CAST: variants seen among roughly 807,000 people sequenced by gnomAD.
CAST encodes MIR583 host.
Under a neutral mutation model 119.6 loss-of-function variants are expected in CAST, and 76 were observed. The observed-to-expected ratio is 0.64, with a 90% CI of 0.53 to 0.77. The LOEUF (loss-of-function observed/expected upper bound fraction) is 0.77, where lower values mean the gene tolerates loss of function less well. Ranked by LOEUF, CAST falls within the 30% of genes least tolerant of loss-of-function variation. CAST has a pLI of 0.00. For missense variants in CAST, 953 were observed against 946.5 expected (o/e 1.01, Z -0.09); for synonymous variants, 319 against 331.6 (o/e 0.96, Z 0.41).
At chr5:96,412,898 C>T in the CAST span, 2 of 618,114 alleles carry the variant, frequency 3.2e-6, no homozygotes, top group South Asian at 4.6e-5. Context: ...TGCCCTCCCT[C>T]CCACCCCAAC....
chr5:96,052,501 T>A, the CAST span, among the ~76,000 whole-genome samples: 1 of 152,384 alleles, frequency 6.6e-6, no homozygotes, highest in South Asian at 2.1e-4. Context: ...TAGATTTTTT[T>A]ATAGATGCTG....
chr5:96,370,249 T>C, the CAST span, among the ~76,000 whole-genome samples: 3 of 152,082 alleles, frequency 2.0e-5, no homozygotes, highest in Admixed American at 1.3e-4. Flanking sequence ...TAGGCAGTAC[T>C]GTAGTAGAAC....
At chr5:96,757,144 C>T (rs1766484275) in intron 22 of CAST, among the ~76,000 whole-genome samples, 6 of 152,232 alleles carry the variant, frequency 3.9e-5, no homozygotes, top group Admixed American at 3.9e-4. Flanking sequence ...ACATACCACA[C>T]TATGCTGACT....
intron 3 of CAST, among the ~76,000 whole-genome samples, chr5:96,718,905 C>G (rs990181070): frequency 6.6e-6 from 1 of 152,106 alleles, no homozygotes; most frequent in Non-Finnish European, 1.5e-5. Flanking sequence ...ATGCCCCACT[C>G]TGTGCCAAGT....
the CAST span, among the ~76,000 whole-genome samples, chr5:96,375,897 C>A: frequency 0.19 from 27,584 of 142,410 alleles, 3,284 homozygotes; most frequent in Non-Finnish European, 0.25. Context: ...ATCTCTCTCT[C>A]TCTATATATA....
the CAST span, among the ~76,000 whole-genome samples, chr5:96,324,674 C>T: frequency 6.6e-6 from 1 of 152,080 alleles, no homozygotes; most frequent in East Asian, 1.9e-4. Context: ...ACCCTAAGGA[C>T]CTGATACCCA....
chr5:96,054,809 A>G, the CAST span, among the ~76,000 whole-genome samples: 1 of 152,134 alleles, frequency 6.6e-6, no homozygotes, highest in Non-Finnish European at 1.5e-5. Context: ...TTGGAGCTGC[A>G]CTGTGGTGTG....
At chr5:96,756,899 G>A (rs1021603307) in intron 22 of CAST, among the ~76,000 whole-genome samples, 1 of 152,206 alleles carries the variant, frequency 6.6e-6, no homozygotes, top group African/African-American at 2.4e-5. Context: ...TGAACCATAA[G>A]TTGCAGAGCG....
At chr5:96,695,783 C>A in intron 2 of CAST, 53 bp from the exon 3 acceptor site, 1 of 1,182,394 alleles carries the variant, frequency 8.5e-7, no homozygotes, top group Non-Finnish European at 1.2e-6. Context: ...TTGCATTTGA[C>A]TACATTGGTA....
At chr5:96,705,437 C>G (rs1754760394) in intron 3 of CAST, among the ~76,000 whole-genome samples, 1 of 152,066 alleles carries the variant, frequency 6.6e-6, no homozygotes, top group Non-Finnish European at 1.5e-5. Flanking sequence ...TTTACATCTC[C>G]TAAGACTTGA....
chr5:96,232,818 G>T, the CAST span, among the ~76,000 whole-genome samples: 1 of 152,050 alleles, frequency 6.6e-6, no homozygotes, highest in East Asian at 1.9e-4. Context: ...TATGTTCATG[G>T]ATAGAGAGAT....
At chr5:96,400,249 T>C in the CAST span, 2 of 1,120,540 alleles carry the variant, frequency 1.8e-6, no homozygotes, top group Non-Finnish European at 2.7e-6. Context: ...CAAAAGCAAG[T>C]GCTAACAATA....
the CAST span, among the ~76,000 whole-genome samples, chr5:96,503,346 G>T: frequency 6.6e-6 from 1 of 152,136 alleles, no homozygotes; most frequent in African/African-American, 2.4e-5. Context: ...AAGGTGAAAG[G>T]GGGTGGCCAG....
chr5:96,225,206 G>T, the CAST span, among the ~76,000 whole-genome samples: 34 of 152,248 alleles, frequency 2.2e-4, no homozygotes, highest in East Asian at 4.6e-3. Flanking sequence ...AGTATTTATT[G>T]ACTTTGTTGC....
intron 1 of CAST, among the ~76,000 whole-genome samples, chr5:96,608,839 G>A (rs1169014704): frequency 6.6e-6 from 1 of 152,152 alleles, no homozygotes; most frequent in African/African-American, 2.4e-5. Context: ...GCAGAAGAAA[G>A]AGCAGGAGGA....
the CAST span, chr5:96,399,914 A>T: frequency 6.9e-7 from 1 of 1,454,376 alleles, no homozygotes; most frequent in Non-Finnish European, 9.7e-7. Flanking sequence ...AAATTATGCC[A>T]TGGGCACACA....
chr5:96,151,299 A>G, the CAST span, among the ~76,000 whole-genome samples: 1 of 152,202 alleles, frequency 6.6e-6, no homozygotes, highest in South Asian at 2.1e-4. Flanking sequence ...TTTCTTTACT[A>G]TCCTAACTTG....
At chr5:96,103,592 G>C in the CAST span, among the ~76,000 whole-genome samples, 1 of 150,872 alleles carries the variant, frequency 6.6e-6, no homozygotes. Context: ...TCTTAATCCA[G>C]TCTATCATTG....
chr5:96,424,699 A>G, the CAST span, among the ~76,000 whole-genome samples: 1 of 152,202 alleles, frequency 6.6e-6, no homozygotes, highest in South Asian at 2.1e-4. Context: ...GCGGTGGCTC[A>G]TGCCTGTAAT....
Sources: allele counts gnomAD v4.1 joint callset (sites outside exome capture counted in the v4.1 genomes callset), GRCh38; gene constraint gnomAD v4.1.1; transcripts MANE v1.5; gene names NCBI Gene and HGNC (gene_info 2026-07-23, HGNC 2026-07-21).